The following AMBRA1 variants were observed in gnomAD, a reference collection of about 807,000 sequenced individuals.
AMBRA1 encodes the protein activating molecule in BECN1-regulated autophagy protein 1.
A neutral mutation model predicts 125.4 loss-of-function variants in AMBRA1; 47 were observed. The observed-to-expected ratio is 0.37, with a 90% CI of 0.30 to 0.48. The LOEUF (loss-of-function observed/expected upper bound fraction) is 0.48. Ranked by LOEUF, AMBRA1 falls within the 20% of genes least tolerant of loss-of-function variation. AMBRA1 has a pLI of 0.99. For missense variants in AMBRA1, 1,331 were observed against 1,693.4 expected (o/e 0.79, Z 3.76); for synonymous variants, 626 against 655.5 (o/e 0.95, Z 0.69).
At chr11:46,418,535 T>C (rs1946684736) in intron 14 of AMBRA1, among the ~76,000 whole-genome samples, 1 of 151,932 alleles carries the variant, frequency 6.6e-6, no homozygotes, top group Non-Finnish European at 1.5e-5. Flanking sequence ...TATCTTCTAA[T>C]GCTATCCCTC....
Position 46,493,594 on chromosome 11 carries a change from A to G in AMBRA1, c.2521+14T>C. ...CCCTTCACATTTTCAAAAGCCAAAG[A>G]AACATTTCCTTACCTGCCAGGACCC... On this transcript the variant is annotated intron_variant, in intron 11 of 17. Transcript: ENST00000683756. 6.3e-7 allele frequency: 1 copy of G among 1,599,274 alleles called. No homozygotes were observed. The highest frequency in any genetic ancestry group is 1.4e-5 in the African/African-American group (1 of 74,070).
intron 9 of AMBRA1, among the ~76,000 whole-genome samples, chr11:46,502,329 C>T (rs1950872774): frequency 6.6e-6 from 1 of 152,168 alleles, no homozygotes; most frequent in South Asian, 2.1e-4. Context: ...AAGCAGGTTC[C>T]AACCTATAAA....
chr11:46,433,207 G>A (rs1191539722), intron 14 of AMBRA1, among the ~76,000 whole-genome samples: 1 of 152,164 alleles, frequency 6.6e-6, no homozygotes, highest in Admixed American at 6.5e-5. Context: ...GTAGAAGTAA[G>A]GAAGTATTCA....
At chr11:46,513,581 T>G (rs1371258149) in intron 7 of AMBRA1, among the ~76,000 whole-genome samples, 1 of 152,226 alleles carries the variant, frequency 6.6e-6, no homozygotes, top group Non-Finnish European at 1.5e-5. Context: ...TGTATCACTC[T>G]GTGGCACATA....
chr11:46,547,424 T>C (rs925589736), intron 3 of AMBRA1, 128 bp from the exon 4 acceptor site: 8 of 800,248 alleles, frequency 1.0e-5, no homozygotes, highest in Non-Finnish European at 1.6e-5. Context: ...AAGCTTTGTA[T>C]GTTAGGCAGT....
intron 15 of AMBRA1, among the ~76,000 whole-genome samples, chr11:46,417,098 T>G (rs545603719): frequency 1.3e-5 from 2 of 151,928 alleles, no homozygotes; most frequent in African/African-American, 4.8e-5. Flanking sequence ...TGTCGCTAGG[T>G]TGGCGTGCAA....
chr11:46,516,775 G>C (rs1951508687), intron 7 of AMBRA1, among the ~76,000 whole-genome samples: 1 of 152,044 alleles, frequency 6.6e-6, no homozygotes, highest in Non-Finnish European at 1.5e-5. Context: ...ACAGACAGCT[G>C]TCAACGGGAA....
At chr11:46,447,928 C>T (rs987554171) in intron 11 of AMBRA1, among the ~76,000 whole-genome samples, 9 of 152,084 alleles carry the variant, frequency 5.9e-5, no homozygotes, top group Admixed American at 3.3e-4. Flanking sequence ...ATAGTGATGG[C>T]AAATACTAAG....
chr11:46,539,198 C>T (rs1952623304), intron 7 of AMBRA1, among the ~76,000 whole-genome samples: 1 of 151,776 alleles, frequency 6.6e-6, no homozygotes, highest in South Asian at 2.1e-4. Flanking sequence ...CTTTTCTCTT[C>T]GTTTTTATAT....
rs1298467840 is a variant in AMBRA1, at chr11:46,545,162, G to A, written c.551+442C>T. On this transcript the variant is annotated intron_variant, in intron 5 of 17. Transcript: ENST00000683756. ...TCTCCTTAAAAAAAAAAAAAAAGCC[G>A]GGGGGGGGGGGGTGGTGGTGGGCAT... Among the ~76,000 whole-genome samples, 17 of 23,868 alleles carry A rather than the reference G, an allele frequency of 7.1e-4. No individual in the cohort carries two copies. In the South Asian group the frequency reaches 0.018, roughly 25 times the overall value. The allele number at this position is 23,868 out of a possible 152,430, so 15.7% of individuals were successfully genotyped here.
At chr11:46,452,711 A>G (rs1281718352) in intron 11 of AMBRA1, among the ~76,000 whole-genome samples, 1 of 152,186 alleles carries the variant, frequency 6.6e-6, no homozygotes, top group African/African-American at 2.4e-5. Context: ...ACTCAGTCAC[A>G]CTCACTCTAA....
intron 7 of AMBRA1, among the ~76,000 whole-genome samples, chr11:46,540,013 G>A (rs1490586184): frequency 6.6e-6 from 1 of 152,106 alleles, no homozygotes; most frequent in African/African-American, 2.4e-5. Flanking sequence ...TGTATTTTTA[G>A]TAGAGATGGG....
intron 7 of AMBRA1, among the ~76,000 whole-genome samples, chr11:46,532,136 T>C (rs1952244210): frequency 6.6e-6 from 1 of 152,052 alleles, no homozygotes; most frequent in Non-Finnish European, 1.5e-5. Context: ...AATTAATTAA[T>C]TAATTAATAT....
intron 15 of AMBRA1, among the ~76,000 whole-genome samples, chr11:46,413,815 A>G (rs969583327): frequency 6.6e-6 from 1 of 152,194 alleles, no homozygotes; most frequent in African/African-American, 2.4e-5. Flanking sequence ...TTCAATACCC[A>G]GTGTCACTGA....
intron 1 of AMBRA1, among the ~76,000 whole-genome samples, chr11:46,566,486 G>C (rs189645553): frequency 2.0e-5 from 3 of 152,104 alleles, no homozygotes; most frequent in Admixed American, 2.0e-4. Flanking sequence ...ATTATGCTGA[G>C]TGAAAAAGGC....
intron 11 of AMBRA1, among the ~76,000 whole-genome samples, chr11:46,470,990 C>G (rs1270549511): frequency 1.3e-5 from 2 of 152,126 alleles, no homozygotes; most frequent in Non-Finnish European, 2.9e-5. Flanking sequence ...AAATATAAAA[C>G]AGGGAAGAGG....
chr11:46,427,741 G>A (rs117908706), intron 14 of AMBRA1, among the ~76,000 whole-genome samples: 3,529 of 152,304 alleles, frequency 0.023, 64 homozygotes, highest in Middle Eastern at 0.034. Flanking sequence ...GGGAGCGCTG[G>A]CTCATGCCTG....
intron 11 of AMBRA1, among the ~76,000 whole-genome samples, chr11:46,460,341 A>C (rs948297200): frequency 2.3e-5 from 3 of 127,826 alleles, no homozygotes; most frequent in Non-Finnish European, 4.7e-5. Context: ...TTTTTTTTTG[A>C]GACGGAGTCT....
At chr11:46,419,917 T>C (rs1299967747) in intron 14 of AMBRA1, among the ~76,000 whole-genome samples, 2 of 151,630 alleles carry the variant, frequency 1.3e-5, no homozygotes, top group Non-Finnish European at 2.9e-5. Context: ...CACATGTTCA[T>C]GTGCCTTGGG....
Sources: allele counts gnomAD v4.1 joint callset (sites outside exome capture counted in the v4.1 genomes callset), GRCh38; gene constraint gnomAD v4.1.1; transcripts MANE v1.5; gene names NCBI Gene and HGNC (gene_info 2026-07-23, HGNC 2026-07-21).